Variants in SPAG16 observed in about 807,000 individuals in gnomAD.
SPAG16 encodes the protein sperm associated antigen 16, also known as sperm-associated antigen 16 protein.
SPAG16 carries 86 observed loss-of-function variants against 80.4 expected under a neutral mutation model. That is an observed-to-expected ratio of 1.07 (90% confidence interval 0.90 to 1.28). The LOEUF is 1.28. SPAG16 is among the 50% of genes most tolerant of loss of function. SPAG16 has a pLI of 0.00. For synonymous variants in SPAG16, 294 were observed against 265.9 expected (o/e 1.11, Z -1.03); for missense variants, 870 against 765.3 (o/e 1.14, Z -1.61).
At chr2:214,033,099 T>A (rs112974947) in intron 13 of SPAG16, among the ~76,000 whole-genome samples, 1 of 152,178 alleles carries the variant, frequency 6.6e-6, no homozygotes, top group African/African-American at 2.4e-5. Flanking sequence ...TGAAATATTT[T>A]TGGTCAAAGC....
chr2:214,025,210 G>T (rs1430775284), intron 13 of SPAG16, among the ~76,000 whole-genome samples: 1 of 151,604 alleles, frequency 6.6e-6, no homozygotes, highest in South Asian at 2.1e-4. Flanking sequence ...CTGTCTCTTT[G>T]GTTGATGGGT....
At chr2:213,512,256 G>A (rs1294817884) in intron 10 of SPAG16, among the ~76,000 whole-genome samples, 3 of 152,146 alleles carry the variant, frequency 2.0e-5, no homozygotes, top group African/African-American at 7.2e-5. Flanking sequence ...ACAAGGTGGA[G>A]TATACATTTA....
intron 9 of SPAG16, among the ~76,000 whole-genome samples, chr2:213,479,094 C>CTTTTTTTTT (rs148476714): frequency 5.3e-5 from 5 of 94,328 alleles, no homozygotes; most frequent in Non-Finnish European, 5.7e-5. Flanking sequence ...CACTGGCTTC[C>CTTTTTTTTT]TTTTTTTTTT....
At chr2:213,982,290 A>T (rs534405794) in intron 12 of SPAG16, among the ~76,000 whole-genome samples, 17 of 152,200 alleles carry the variant, frequency 1.1e-4, no homozygotes, top group African/African-American at 3.8e-4. Flanking sequence ...ATGAGCAATT[A>T]AAAAACTCAC....
chr2:214,131,508 C>A (rs1382433629), intron 14 of SPAG16, among the ~76,000 whole-genome samples: 4 of 151,994 alleles, frequency 2.6e-5, no homozygotes, highest in Admixed American at 2.6e-4. Context: ...CAAAAACCTC[C>A]ACATAGAGTA....
chr2:214,146,945 T>A (rs1370816106), intron 14 of SPAG16, among the ~76,000 whole-genome samples: 1 of 150,332 alleles, frequency 6.7e-6, no homozygotes, highest in Non-Finnish European at 1.5e-5. Context: ...GACATTGCAG[T>A]GAGCCAAGAT....
intron 14 of SPAG16, among the ~76,000 whole-genome samples, chr2:214,111,726 G>A (rs553633016): frequency 1.9e-4 from 12 of 63,854 alleles, no homozygotes; most frequent in African/African-American, 6.2e-4. Context: ...GGGCAGTATG[G>A]TCATTTTCAC....
intron 15 of SPAG16, among the ~76,000 whole-genome samples, chr2:214,291,950 C>T (rs1292183044): frequency 6.6e-6 from 1 of 152,132 alleles, no homozygotes; most frequent in Admixed American, 6.5e-5. Flanking sequence ...CAGTGAAGGG[C>T]CATCAGTGTT....
intron 12 of SPAG16, among the ~76,000 whole-genome samples, chr2:213,971,119 C>T (rs927209545): frequency 6.6e-6 from 1 of 152,132 alleles, no homozygotes; most frequent in Admixed American, 6.5e-5. Context: ...CATTCTTCCA[C>T]TAAAGTTATA....
In SPAG16 at chr2:213,347,503, G is replaced by C. The variant is rs1330994349; in HGVS notation, c.645-3025G>C. Among the ~76,000 whole-genome samples the C allele has an allele frequency of 6.6e-5, 10 of 152,256 alleles. No individual in the cohort carries two copies. In the East Asian group the frequency reaches 1.9e-3, roughly 29 times the overall value. On this transcript the variant is annotated intron_variant, in intron 6 of 15. Coordinates refer to ENST00000331683, the MANE Select transcript of SPAG16 (RefSeq NM_024532.5). ...AGGGTGTCAATTTTAGATCTTTCCT[G>C]CTTTCTCTTGTGGGCATTTAGTGCT...
chr2:213,606,840 A>G (rs1574472360), intron 10 of SPAG16, among the ~76,000 whole-genome samples: 1 of 152,232 alleles, frequency 6.6e-6, no homozygotes, highest in Non-Finnish European at 1.5e-5. Flanking sequence ...CATCTGCACT[A>G]CAGTCCTACC....
intron 9 of SPAG16, among the ~76,000 whole-genome samples, chr2:213,468,666 G>T (rs1042897704): frequency 6.9e-6 from 1 of 145,894 alleles, no homozygotes; most frequent in Non-Finnish European, 1.5e-5. Context: ...TTGTGTGTGT[G>T]TGTGTATATA....
chr2:213,785,732 T>G (rs1397929378), intron 10 of SPAG16, among the ~76,000 whole-genome samples: 1 of 152,058 alleles, frequency 6.6e-6, no homozygotes, highest in Admixed American at 6.6e-5. Context: ...TCAAAAGAAG[T>G]TTAGCCAGGC....
intron 15 of SPAG16, among the ~76,000 whole-genome samples, chr2:214,326,801 C>T (rs901065351): frequency 6.6e-6 from 1 of 151,676 alleles, no homozygotes; most frequent in Non-Finnish European, 1.5e-5. Context: ...AAAAATTACC[C>T]GGGCGTGGTG....
At chr2:214,080,848 T>G (rs2051350334) in intron 13 of SPAG16, among the ~76,000 whole-genome samples, 2 of 151,840 alleles carry the variant, frequency 1.3e-5, no homozygotes, top group Non-Finnish European at 2.9e-5. Context: ...CACATGGTTC[T>G]CAAATCAGAC....
At chr2:214,300,920 A>C (rs1253885253) in intron 15 of SPAG16, among the ~76,000 whole-genome samples, 1 of 151,378 alleles carries the variant, frequency 6.6e-6, no homozygotes, top group Non-Finnish European at 1.5e-5. Flanking sequence ...AAAAATTATT[A>C]CTCTAGTACC....
intron 10 of SPAG16, among the ~76,000 whole-genome samples, chr2:213,853,073 C>A (rs1423983268): frequency 6.6e-6 from 1 of 152,006 alleles, no homozygotes; most frequent in Admixed American, 6.6e-5. Context: ...GTTCACGGGG[C>A]ACACATTTTG....
intron 13 of SPAG16, among the ~76,000 whole-genome samples, chr2:214,068,394 C>G (rs1490587462): frequency 6.6e-6 from 1 of 152,058 alleles, no homozygotes; most frequent in Non-Finnish European, 1.5e-5. Flanking sequence ...TTTAACTGGA[C>G]ATAGAGCCTT....
At chr2:213,952,832 A>G (rs1308262288) in intron 12 of SPAG16, among the ~76,000 whole-genome samples, 4 of 152,130 alleles carry the variant, frequency 2.6e-5, no homozygotes, top group Non-Finnish European at 4.4e-5. Flanking sequence ...TACCAGAATG[A>G]GAAAGCTCCC....
Sources: gnomAD v4.1 joint callset for allele counts (sites outside exome capture counted in the v4.1 genomes callset) on GRCh38, gnomAD v4.1.1 for gene constraint, MANE v1.5 for transcripts, NCBI Gene and HGNC (gene_info 2026-07-23, HGNC 2026-07-21) for gene names.